The following MYOF variants were observed in gnomAD, a reference collection of about 807,000 sequenced individuals.
The protein encoded by MYOF is fer-1-like 3, myoferlin.
In MYOF, 244 loss-of-function variants were observed where a neutral mutation model predicts 284.2. That is an observed-to-expected ratio of 0.86 (90% CI 0.77 to 0.95). The LOEUF (loss-of-function observed/expected upper bound fraction) is 0.95. Among genes scored for constraint, MYOF ranks in the 40% least tolerant of loss-of-function variants. MYOF has a pLI of 0.00. For missense variants in MYOF, 2,496 were observed against 2,560.6 expected (o/e 0.97, Z 0.54); for synonymous variants, 904 against 919.7 (o/e 0.98, Z 0.31).
chr10:93,359,625 A>T (rs915839120), intron 29 of MYOF, among the ~76,000 whole-genome samples: 1 of 152,190 alleles, frequency 6.6e-6, no homozygotes, highest in Non-Finnish European at 1.5e-5. Flanking sequence ...GGATTTCTAA[A>T]TCAGGAGGTT....
At chr10:93,453,807 C>T (rs2056661776) in intron 2 of MYOF, among the ~76,000 whole-genome samples, 1 of 152,054 alleles carries the variant, frequency 6.6e-6, no homozygotes, top group East Asian at 1.9e-4. Context: ...ATTGCTTGAG[C>T]CCAGTTAGTT....
At chr10:93,327,455 T>A (rs578225223) in intron 45 of MYOF, among the ~76,000 whole-genome samples, 1 of 152,226 alleles carries the variant, frequency 6.6e-6, no homozygotes, top group African/African-American at 2.4e-5. Flanking sequence ...CGGCCAGAAC[T>A]GTTCACCTGA....
At chr10:93,407,772 G>A (rs1428581040) in intron 7 of MYOF, among the ~76,000 whole-genome samples, 1 of 151,702 alleles carries the variant, frequency 6.6e-6, no homozygotes, top group Non-Finnish European at 1.5e-5. Context: ...ATCAGTATGG[G>A]GGGCAAAACA....
intron 42 of MYOF, 121 bp downstream of exon 42, chr10:93,333,637 G>T: frequency 7.6e-7 from 1 of 1,314,152 alleles, no homozygotes; most frequent in Non-Finnish European, 1.1e-6. Flanking sequence ...ACATTGTTTT[G>T]ATGGAGTATC....
chr10:93,404,971 G>T (rs189074326), intron 7 of MYOF, among the ~76,000 whole-genome samples: 72 of 152,298 alleles, frequency 4.7e-4, no homozygotes, highest in African/African-American at 1.6e-3. Context: ...AATCCTAAAA[G>T]ATTGAACACT....
intron 22 of MYOF, among the ~76,000 whole-genome samples, chr10:93,376,524 A>G (rs1845842509): frequency 6.6e-6 from 1 of 152,142 alleles, no homozygotes; most frequent in Admixed American, 6.6e-5. Context: ...CCCCAGCAGT[A>G]CTTTGATTTT....
chr10:93,337,788 C>T (rs779507542), intron 40 of MYOF, 27 bp downstream of exon 40: 13 of 1,583,266 alleles, frequency 8.2e-6, no homozygotes, highest in East Asian at 2.2e-5. Context: ...GTTGATTCTC[C>T]ACCCATAGCA....
chr10:93,330,794 T>C (rs1277274888), intron 43 of MYOF, among the ~76,000 whole-genome samples: 2 of 152,320 alleles, frequency 1.3e-5, no homozygotes, highest in East Asian at 3.9e-4. Context: ...CCTTGCACTC[T>C]GGTGTGTGGA....
At chr10:93,407,455 G>T (rs927403177) in intron 7 of MYOF, among the ~76,000 whole-genome samples, 1 of 149,460 alleles carries the variant, frequency 6.7e-6, no homozygotes, top group African/African-American at 2.5e-5. Context: ...AAAAGGCCGG[G>T]TGTGGTGGCT....
intron 50 of MYOF, among the ~76,000 whole-genome samples, chr10:93,314,515 G>A (rs1035225867): frequency 6.6e-6 from 1 of 152,208 alleles, no homozygotes; most frequent in Non-Finnish European, 1.5e-5. Flanking sequence ...GATGACTGGG[G>A]CAAGAGTCTG....
intron 3 of MYOF, among the ~76,000 whole-genome samples, chr10:93,446,088 CT>C (rs1417750641): frequency 6.6e-6 from 1 of 152,006 alleles, no homozygotes; most frequent in East Asian, 1.9e-4. Context: ...GGAAACTAAG[CT>C]AATGATCATG....
At chr10:93,471,801 A>C (rs979667762) in intron 1 of MYOF, among the ~76,000 whole-genome samples, 4 of 151,828 alleles carry the variant, frequency 2.6e-5, no homozygotes, top group Non-Finnish European at 5.9e-5. Flanking sequence ...AGGCAGGAGA[A>C]TTGCTTGAAC....
chr10:93,368,154 T>C (rs2133952037), intron 25 of MYOF, among the ~76,000 whole-genome samples: 1 of 152,162 alleles, frequency 6.6e-6, no homozygotes, highest in South Asian at 2.1e-4. Flanking sequence ...AGCCTCTCCT[T>C]ACCTATGCCA....
intron 12 of MYOF, among the ~76,000 whole-genome samples, chr10:93,399,881 A>G (rs539137420): frequency 8.3e-5 from 1 of 11,982 alleles, no homozygotes; most frequent in East Asian, 0.25. Context: ...AAAACAAACA[A>G]ACAAAATTAG....
intron 1 of MYOF, among the ~76,000 whole-genome samples, chr10:93,457,922 T>C (rs1350074667): frequency 6.6e-6 from 1 of 150,564 alleles, no homozygotes; most frequent in Non-Finnish European, 1.5e-5. Context: ...TTTTTTTTTT[T>C]CACTAGAGAT....
rs767695615 is a variant in MYOF at position 93,409,654 on chromosome 10, C to T, written c.519G>A (p.Val173=). The T allele has an allele frequency of 1.9e-6, 3 of 1,614,118 alleles. No homozygotes were observed. The highest frequency in any genetic ancestry group is 1.7e-5 in the Admixed American group (1 of 60,008). Residue 173 remains valine, a synonymous_variant, in exon 6 of 54, where the codon GTG becomes GTA. Coordinates refer to ENST00000359263, the MANE Select transcript of MYOF (RefSeq NM_013451.4). The part of the protein sequence containing the change: ...GPGPKGPVGT[V]SEAQLARRLT... ...GCCTCCGAGCAAGCTGAGCTTCCGA[C>T]ACCGTCCCAACTGGCCCCTTGGGCC...
intron 45 of MYOF, 103 bp downstream of exon 45, chr10:93,328,660 T>TA: frequency 8.2e-7 from 1 of 1,215,770 alleles, no homozygotes; most frequent in East Asian, 2.4e-5. Context: ...TCTCATGTGG[T>TA]ATAATTAGGG....
chr10:93,397,149 G>A, intron 15 of MYOF, 98 bp downstream of exon 15: 2 of 1,105,962 alleles, frequency 1.8e-6, no homozygotes, highest in Non-Finnish European at 1.3e-6. Flanking sequence ...CCTCTGGAAG[G>A]AAAGCAAAAT....
At chr10:93,325,142 G>T (rs1800485151) in intron 46 of MYOF, among the ~76,000 whole-genome samples, 1 of 152,116 alleles carries the variant, frequency 6.6e-6, no homozygotes, top group African/African-American at 2.4e-5. Context: ...TCAGATTCCT[G>T]GACCCACCCT....
Sources: allele counts gnomAD v4.1 joint callset (sites outside exome capture counted in the v4.1 genomes callset), GRCh38; gene constraint gnomAD v4.1.1; transcripts MANE v1.5; gene names NCBI Gene and HGNC (gene_info 2026-07-23, HGNC 2026-07-21).